The following PAIP1 variants were observed in gnomAD, a reference collection of about 807,000 sequenced individuals.
PAIP1 encodes the protein polyadenylate-binding protein-interacting protein 1.
Under a neutral mutation model 61.3 loss-of-function variants are expected in PAIP1, and 16 were observed. That is an observed-to-expected ratio of 0.26 (90% CI 0.18 to 0.40). The LOEUF (loss-of-function observed/expected upper bound fraction) is 0.40, where lower values mean the gene tolerates loss of function less well. Ranked by LOEUF, PAIP1 falls within the 10% of genes least tolerant of loss-of-function variation. The pLI, the probability that PAIP1 is intolerant of heterozygous loss-of-function variation, is 1.00. For missense variants in PAIP1, 416 were observed against 600.9 expected, an observed-to-expected ratio of 0.69 and a Z score of 3.22; for synonymous variants, 187 against 226.2, an observed-to-expected ratio of 0.83 and a Z score of 1.56.
At chr5:43,553,653 A>ATTGAGAAAAACTCTCTTAGCCT (rs1207368655) in intron 2 of PAIP1, among the ~76,000 whole-genome samples, 1 of 152,202 alleles carries the variant, frequency 6.6e-6, no homozygotes, top group East Asian at 1.9e-4. Flanking sequence ...GACTAATTGG[A>ATTGAGAAAAACTCTCTTAGCCT]TTGAGAAAAA....
Position 43,555,853 on chromosome 5 carries a change from A to C in PAIP1, c.412T>G (p.Ser138Ala). Residue 138 changes from serine (S) to alanine (A), a missense_variant, in exon 2 of 11, where the codon TCA becomes GCA. Ser to Ala is a moderately conservative substitution (Grantham distance 99). This residue lies in a region of PAIP1 where 180 missense variants were observed against 211.2 expected (regional missense o/e 0.85). Coordinates refer to ENST00000306846, the MANE Select transcript of PAIP1 (RefSeq NM_006451.5). ...LSVNAPEFYP[S>A]GYSSSYTESY... is the part of the protein sequence containing the mutation. Reference sequence around the variant, plus strand: ...ACTGTGTAACTGGAAGAATAACCTGAAGGGTAAAATTCAGGGGCATTCACA... The same window carrying C: ...ACTGTGTAACTGGAAGAATAACCTGCAGGGTAAAATTCAGGGGCATTCACA... The C allele has an allele frequency of 1.2e-6, 2 of 1,612,180 alleles. No individual in the cohort carries two copies. The highest frequency in any genetic ancestry group is 8.5e-7 in the Non-Finnish European group (1 of 1,179,554).
At position 43,556,561 on chromosome 5, in the gene PAIP1, G is replaced by T. The variant is rs1443418838; in HGVS notation, c.265+21C>A. 3.2e-6 allele frequency: 4 copies of T among 1,245,990 alleles called. No individual in the cohort carries two copies. In the East Asian group the frequency reaches 9.5e-5, roughly 29 times the overall value. 77.2% of individuals were successfully genotyped at this position (1,245,990 alleles called of 1,614,324 possible). On this transcript the variant is annotated intron_variant, in intron 1 of 10. Coordinates refer to ENST00000306846, the MANE Select transcript of PAIP1 (RefSeq NM_006451.5). ...GAAGCGTTCGCCAAGGAGGACTGGG[G>T]CCCTTAGAGCTGCTCCGTACCTGGG...
chr5:43,537,319 A>G (rs73751705), intron 5 of PAIP1, among the ~76,000 whole-genome samples: 2,734 of 152,300 alleles, frequency 0.018, 86 homozygotes, highest in African/African-American at 0.058. Flanking sequence ...TGTATCTTAT[A>G]TCACTGTGTA....
intron 9 of PAIP1, 119 bp from the exon 10 acceptor site, chr5:43,529,998 AAAGT>A: frequency 3.2e-6 from 2 of 633,424 alleles, no homozygotes; most frequent in Non-Finnish European, 5.6e-6. Flanking sequence ...CAGAAATCTT[AAAGT>A]AATTACATAT....
chr5:43,541,128 T>C (rs1382565196), intron 4 of PAIP1, among the ~76,000 whole-genome samples: 1 of 145,692 alleles, frequency 6.9e-6, no homozygotes, highest in East Asian at 2.0e-4. Context: ...AGTATTTTCA[T>C]TATTATTATT....
chr5:43,543,066 G>A lies in PAIP1; in HGVS notation c.672C>T (p.Tyr224=), dbSNP rs1747479363. 1.9e-6 allele frequency: 3 copies of A among 1,611,064 alleles called. No homozygotes were observed. The highest frequency in any genetic ancestry group is 2.5e-6 in the Non-Finnish European group (3 of 1,177,486). ...FSYMGARLCN[Y]LSHHLTISPQ... is the part of the protein sequence containing the mutation. ...GGCTAATTGTCAGATGATGGGACAG[G>A]TAATTACACAGGCGAGCTCCCATAT... The change falls in exon 4 of 11, where the codon TAC becomes TAT. Residue 224 remains tyrosine, a synonymous_variant. Transcript: ENST00000306846.
chr5:43,551,070 T>C (rs530783137), intron 2 of PAIP1, among the ~76,000 whole-genome samples: 160 of 152,198 alleles, frequency 1.1e-3, no homozygotes, highest in African/African-American at 3.7e-3. Context: ...ATGAGGCAGA[T>C]AAGGAGATCT....
At chr5:43,529,193 G>A (rs1443509510) in intron 10 of PAIP1, among the ~76,000 whole-genome samples, 1 of 149,760 alleles carries the variant, frequency 6.7e-6, no homozygotes, top group Non-Finnish European at 1.5e-5. Context: ...AAGCAGAACA[G>A]AAGTTGCCCA....
At chr5:43,548,476 G>A (rs151068171) in intron 2 of PAIP1, among the ~76,000 whole-genome samples, 5 of 152,182 alleles carry the variant, frequency 3.3e-5, no homozygotes, top group African/African-American at 1.2e-4. Flanking sequence ...AAAGCTGCTC[G>A]AGTAACTAAA....
At chr5:43,533,326 G>A (rs1747016684) in intron 9 of PAIP1, among the ~76,000 whole-genome samples, 4 of 152,212 alleles carry the variant, frequency 2.6e-5, no homozygotes, top group African/African-American at 9.6e-5. Context: ...CACCAAGTAT[G>A]AATGAAATGT....
intron 4 of PAIP1, among the ~76,000 whole-genome samples, chr5:43,542,778 T>C (rs537354765): frequency 7.9e-5 from 12 of 152,334 alleles, no homozygotes; most frequent in African/African-American, 2.2e-4. Flanking sequence ...TAAGTGTTTA[T>C]TTTTAAGATC....
At chr5:43,553,278 G>A (rs1747933901) in intron 2 of PAIP1, among the ~76,000 whole-genome samples, 5 of 152,200 alleles carry the variant, frequency 3.3e-5, no homozygotes, top group Admixed American at 2.6e-4. Flanking sequence ...ATTAGAGGAA[G>A]AACTGAAGAT....
chr5:43,542,972 T>C, intron 4 of PAIP1, 32 bp downstream of exon 4: 3 of 1,065,702 alleles, frequency 2.8e-6, no homozygotes, highest in Non-Finnish European at 2.9e-6. Flanking sequence ...TATTTAGAAG[T>C]AGTTTTCCTT....
At chr5:43,528,067 C>A (rs762315734) in intron 10 of PAIP1, among the ~76,000 whole-genome samples, 1 of 152,114 alleles carries the variant, frequency 6.6e-6, no homozygotes, top group Non-Finnish European at 1.5e-5. Flanking sequence ...GAAAGCAAGG[C>A]TTCCCATAGT....
chr5:43,555,831 G>T lies in PAIP1; in HGVS notation c.434C>A (p.Thr145Lys). The T allele has an allele frequency of 6.2e-7, 1 of 1,608,084 alleles. No homozygotes were observed. Among genetic ancestry groups the T allele is most frequent in the Non-Finnish European group, 8.5e-7 (1 of 1,177,342 alleles). ...TTGTAGGAAAAAGGGTGTACTTACT[G>T]TGTAACTGGAAGAATAACCTGAAGG... Reference protein sequence around the residue: ...FYPSGYSSSYTESYEDGCEDY... With the variant: ...FYPSGYSSSYKESYEDGCEDY... The change falls in exon 2 of 11, where the codon ACA (threonine) becomes AAA (lysine). Residue 145 changes from threonine (T) to lysine (K), a missense_variant and splice_region_variant. Coordinates refer to ENST00000306846, the MANE Select transcript of PAIP1 (RefSeq NM_006451.5).
intron 3 of PAIP1, among the ~76,000 whole-genome samples, chr5:43,545,046 T>C (rs1406648229): frequency 6.6e-6 from 1 of 152,104 alleles, no homozygotes; most frequent in African/African-American, 2.4e-5. Flanking sequence ...TTTTCATTTA[T>C]AGCTGAACCA....
rs531254796 is a variant in PAIP1, at chr5:43,550,661, G to T, written c.436-2748C>A. 3.3e-5 allele frequency among the ~76,000 whole-genome samples: 5 copies of T among 151,926 alleles called. No individual in the cohort carries two copies. In the South Asian group the frequency reaches 1.0e-3, roughly 32 times the overall value. Reference sequence around the variant, plus strand: ...AGGCACAGAGTAGTTAAGTCACTTTGGTTATTCATTCAAAATGGTGTGGCT... The same window carrying T: ...AGGCACAGAGTAGTTAAGTCACTTTTGTTATTCATTCAAAATGGTGTGGCT... On this transcript the variant is annotated intron_variant, in intron 2 of 10. Transcript: ENST00000306846.
chr5:43,539,026 A>C lies in PAIP1; in HGVS notation c.744T>G (p.Thr248=), dbSNP rs1747281803. 1 of 1,588,140 alleles carries C rather than the reference A, an allele frequency of 6.3e-7. No homozygotes were observed. Among genetic ancestry groups the C allele is most frequent in the African/African-American group, 1.3e-5 (1 of 74,418 alleles). Residue 248 remains threonine (T), a synonymous_variant, in exon 5 of 11, where the codon ACT becomes ACG. Coordinates refer to ENST00000306846, the MANE Select transcript of PAIP1 (RefSeq NM_006451.5). The part of the protein sequence containing the change: ...FRQLLLQRCR[T]EYEVKDQAAK... ...CAGCTTGATCTTTAACTTCATATTC[A>C]GTCCGACATCTAATTAAAGACATAT...
At chr5:43,551,615 C>G (rs76515148) in intron 2 of PAIP1, among the ~76,000 whole-genome samples, 1,850 of 152,230 alleles carry the variant, frequency 0.012, 40 homozygotes, top group African/African-American at 0.043. Context: ...TTGTAGTATC[C>G]TACCACTATT....
Sources: gnomAD v4.1 joint callset for allele counts (sites outside exome capture counted in the v4.1 genomes callset) on GRCh38, gnomAD v4.1.1 for gene constraint, gnomAD v4.1.1 regional missense constraint, MANE v1.5 for transcripts, NCBI Gene and HGNC (gene_info 2026-07-23, HGNC 2026-07-21) for gene names.